Variants in SP110 observed in about 807,000 individuals in gnomAD.
SP110 encodes the protein interferon-induced protein 41, 30kD.
Under a neutral mutation model 92.7 loss-of-function variants are expected in SP110, and 62 were observed. The observed-to-expected ratio is 0.67, with a 90% CI of 0.55 to 0.83. The LOEUF is 0.83. Among genes scored for constraint, SP110 ranks in the 40% least tolerant of loss-of-function variants. SP110 has a pLI of 0.00. For synonymous variants in SP110, 273 were observed against 305.3 expected (o/e 0.89, Z 1.10); for missense variants, 793 against 863.9 (o/e 0.92, Z 1.03).
At chr2:230,221,277 T>C (rs1430719263), upstream of SP110, among the ~76,000 whole-genome samples, 2 of 144,082 alleles carry the variant, frequency 1.4e-5, no homozygotes, top group East Asian at 4.0e-4. Flanking sequence ...CAAGACTCCA[T>C]CTCGAAAAAA....
At chr2:230,207,681 A>T (rs2044019990) in intron 8 of SP110, among the ~76,000 whole-genome samples, 1 of 152,142 alleles carries the variant, frequency 6.6e-6, no homozygotes, top group Non-Finnish European at 1.5e-5. Flanking sequence ...AATCCTGTCA[A>T]CAATACCTGC....
At chr2:230,210,258 G>A (rs573256810) in intron 6 of SP110, among the ~76,000 whole-genome samples, 16 of 152,330 alleles carry the variant, frequency 1.1e-4, no homozygotes, top group Admixed American at 5.2e-4. Flanking sequence ...CTTTTAGAGA[G>A]ATTATCTTAT....
Position 230,219,910 on chromosome 2 carries a change from G to C in SP110, c.-38C>G, listed in dbSNP as rs201569435. ...GTTTGTCGTTCCTGCCCCTTTCCAG[G>C]GGCTGGGACAGGGATCACTCCTCAA... On this transcript the variant is annotated 5_prime_UTR_variant, in exon 1 of 19. Transcript: ENST00000258381. The C allele has an allele frequency of 3.0e-6, 3 of 985,476 alleles. No individual in the cohort carries two copies. The highest frequency in any genetic ancestry group is 1.7e-5 in the African/African-American group (1 of 57,336). The allele number at this position is 985,476 out of a possible 1,614,324, so 61.0% of individuals were successfully genotyped here.
intron 10 of SP110, among the ~76,000 whole-genome samples, chr2:230,196,296 A>G (rs970008943): frequency 4.6e-5 from 7 of 152,204 alleles, no homozygotes; most frequent in African/African-American, 1.7e-4. Flanking sequence ...ATAAGAAATA[A>G]ACTGTCCACT....
At chr2:230,216,232 T>C (rs1282958830) in intron 2 of SP110, among the ~76,000 whole-genome samples, 1 of 152,184 alleles carries the variant, frequency 6.6e-6, no homozygotes, top group African/African-American at 2.4e-5. Flanking sequence ...GTGAACTTAT[T>C]TGGAAAAAGT....
chr2:230,206,179 A>G (rs1315267053), intron 8 of SP110, among the ~76,000 whole-genome samples: 2 of 152,056 alleles, frequency 1.3e-5, no homozygotes, highest in Non-Finnish European at 2.9e-5. Context: ...GCTGCCATCT[A>G]TTGCTCTGTT....
At chr2:230,205,048 CATT>C (rs2043613981) in intron 8 of SP110, among the ~76,000 whole-genome samples, 1 of 152,084 alleles carries the variant, frequency 6.6e-6, no homozygotes, top group African/African-American at 2.4e-5. Context: ...GGACAGTGAA[CATT>C]ACCCTAAGGG....
chr2:230,220,298 A>C (rs1172221776), upstream of SP110, among the ~76,000 whole-genome samples: 1 of 152,210 alleles, frequency 6.6e-6, no homozygotes, highest in African/African-American at 2.4e-5. Flanking sequence ...ACTTGTCCTC[A>C]TTCTGTACAT....
Position 230,208,009 on chromosome 2 carries a change from T to A in SP110, c.880A>T (p.Lys294Ter). Residue 294 changes from lysine (K) to a stop codon, truncating the protein, a stop_gained, in exon 8 of 19, where the codon AAA becomes TAA. Coordinates refer to ENST00000258381, the MANE Select transcript of SP110 (RefSeq NM_080424.4). LOFTEE classifies it high-confidence loss of function. ...IWSTPKRRHKKKSLPGGTASS... is the reference protein window; with the variant it reads ...IWSTPKRRHK ...ATCTTACCTCCTGGGAGGCTTTTTT[T>A]CTTATGTCTCCTTTTTGGAGTTGAC... The A allele has an allele frequency of 6.4e-7, 1 of 1,563,068 alleles. No individual in the cohort carries two copies. Among genetic ancestry groups the A allele is most frequent in the Non-Finnish European group, 8.8e-7 (1 of 1,136,136 alleles).
Position 230,212,039 on chromosome 2 carries a change from G to A in SP110, c.667+308C>T, listed in dbSNP as rs375620024. ...AGTAATTTTGATAACATTGTTCTTA[G>A]AATCCAAACCATATAAAAATGAAGA... On this transcript the variant is annotated intron_variant, in intron 5 of 18. Coordinates refer to ENST00000258381, the MANE Select transcript of SP110 (RefSeq NM_080424.4). 4.5e-4 allele frequency among the ~76,000 whole-genome samples: 69 copies of A among 152,204 alleles called. 1 individual carries two copies. Among genetic ancestry groups the A allele is most frequent in the African/African-American group, 1.5e-3 (63 of 41,534 alleles).
chr2:230,172,816 G>T, intron 15 of SP110, 28 bp downstream of exon 15: 2 of 1,448,962 alleles, frequency 1.4e-6, no homozygotes. Context: ...AGTGCTGTGT[G>T]CCCGAGGCGG....
Position 230,215,617 on chromosome 2 carries a change from T to C in SP110, c.148-499A>G, listed in dbSNP as rs58898798. On this transcript the variant is annotated intron_variant, in intron 2 of 18. Transcript: ENST00000258381. ...CACAGAGAAGTCACCCTGAGAATTT[T>C]CCTTGCCTAGAGGATGGACAAAAGG... Among the ~76,000 whole-genome samples, 104 of 152,340 alleles carry C rather than the reference T, an allele frequency of 6.8e-4. 1 individual carries two copies. In the East Asian group the frequency reaches 0.015, roughly 22 times the overall value.
intron 12 of SP110, among the ~76,000 whole-genome samples, chr2:230,182,815 C>G (rs2148731266): frequency 6.6e-6 from 1 of 152,294 alleles, no homozygotes; most frequent in South Asian, 2.1e-4. Context: ...AGTGCTCCAG[C>G]CTACGATGCG....
At chr2:230,219,760 A>G (rs1351090071) in intron 1 of SP110, 114 bp downstream of exon 1, 1 of 201,966 alleles carries the variant, frequency 5.0e-6, no homozygotes, top group African/African-American at 2.4e-5. Context: ...GAGCTCTGAG[A>G]GAGCCTCAGA....
chr2:230,176,378 G>A, intron 14 of SP110: 2 of 1,073,588 alleles, frequency 1.9e-6, no homozygotes, highest in Non-Finnish European at 2.5e-6. Flanking sequence ...ATGGGGTCTT[G>A]CTATGTTGCC....
Position 230,165,589 on chromosome 2 carries a change from A to T in SP110, c.*3535T>A, listed in dbSNP as rs1304706675. 6.6e-6 allele frequency among the ~76,000 whole-genome samples: 1 copy of T among 152,244 alleles called. No individual in the cohort carries two copies. On this transcript the variant is annotated 3_prime_UTR_variant, in exon 19 of 19. Coordinates refer to ENST00000258381, the MANE Select transcript of SP110 (RefSeq NM_080424.4). The stretch of plus-strand genomic sequence containing the variant: ...AACATTATAGAGTAAAAGCAAAAAA[A>T]TTAATACTAATTCATGTCTGTATTT...
intron 8 of SP110, chr2:230,203,042 C>A: frequency 2.5e-6 from 1 of 402,746 alleles, no homozygotes; most frequent in East Asian, 5.6e-5. Flanking sequence ...CACGAGGTGG[C>A]CACACAGTCT....
chr2:230,189,596 G>T (rs1250573684), intron 10 of SP110, among the ~76,000 whole-genome samples: 5 of 151,954 alleles, frequency 3.3e-5, no homozygotes, highest in Admixed American at 3.3e-4. Flanking sequence ...CCCCAAAATG[G>T]GACACACGTG....
At chr2:230,216,680 T>G in intron 2 of SP110, 101 bp downstream of exon 2, 1 of 1,457,554 alleles carries the variant, frequency 6.9e-7, no homozygotes, top group Non-Finnish European at 9.6e-7. Context: ...GGGCTGGGCC[T>G]TCCAAACTCT....
Sources: allele counts gnomAD v4.1 joint callset (sites outside exome capture counted in the v4.1 genomes callset), GRCh38; gene constraint gnomAD v4.1.1; transcripts MANE v1.5; gene names NCBI Gene and HGNC (gene_info 2026-07-23, HGNC 2026-07-21).